SEC14L1: variants seen among roughly 807,000 people sequenced by gnomAD.
SEC14L1 encodes the protein SEC14 like lipid binding 1.
Under a neutral mutation model 85.3 loss-of-function variants are expected in SEC14L1, and 48 were observed. The observed-to-expected ratio is 0.56, with a 90% CI of 0.45 to 0.72. The LOEUF (loss-of-function observed/expected upper bound fraction) is 0.72. SEC14L1 is among the 30% of genes least tolerant of loss of function. SEC14L1 has a pLI of 0.00. For missense variants in SEC14L1, 682 were observed against 921.4 expected, an observed-to-expected ratio of 0.74 and a Z score of 3.36; for synonymous variants, 391 against 355.5, an observed-to-expected ratio of 1.10 and a Z score of -1.12.
chr17:77,213,290 C>G lies in SEC14L1; in HGVS notation c.1864-24C>G. The stretch of plus-strand genomic sequence containing the variant: ...GGGGTCGGAAGCGAGTCGCCCTCAG[C>G]TGCCACTGCCCTACTTGTTCTAGGG... On this transcript the variant is annotated intron_variant, in intron 15 of 16. Transcript: ENST00000436233. This position sits in a 1 kb window ranked among gnomAD's most constrained non-coding sequence, Gnocchi z 7.1. 6.3e-7 allele frequency: 1 copy of G among 1,580,972 alleles called. No individual in the cohort carries two copies. The highest frequency in any genetic ancestry group is 8.6e-7 in the Non-Finnish European group (1 of 1,162,966).
chr17:77,192,199 GTGTT>G (rs1341324881), intron 5 of SEC14L1, among the ~76,000 whole-genome samples: 3 of 152,194 alleles, frequency 2.0e-5, no homozygotes, highest in African/African-American at 7.2e-5. Flanking sequence ...AGTGCCGAGA[GTGTT>G]TGTCTGTCTC....
intron 3 of SEC14L1, among the ~76,000 whole-genome samples, chr17:77,122,630 G>A (rs919619485): frequency 6.6e-6 from 1 of 152,168 alleles, no homozygotes; most frequent in Non-Finnish European, 1.5e-5. Context: ...TGGCATTTCT[G>A]CATTAGACAT....
chr17:77,162,092 C>T (rs1430321655), intron 3 of SEC14L1, among the ~76,000 whole-genome samples: 2 of 152,136 alleles, frequency 1.3e-5, no homozygotes, highest in Non-Finnish European at 2.9e-5. Flanking sequence ...GGTGGCCCAA[C>T]GGGCAAGGGG....
intron 3 of SEC14L1, among the ~76,000 whole-genome samples, chr17:77,156,313 A>C (rs1018929489): frequency 2.0e-5 from 3 of 152,124 alleles, no homozygotes; most frequent in Non-Finnish European, 4.4e-5. Context: ...GGTGGCTCAC[A>C]CTTGTAATCC....
intron 8 of SEC14L1, among the ~76,000 whole-genome samples, chr17:77,200,199 T>A (rs1463654924): frequency 2.0e-5 from 3 of 152,060 alleles, no homozygotes; most frequent in African/African-American, 7.2e-5. Context: ...AGGGTCTTAT[T>A]CCCTTAGCAA....
chr17:77,199,804 T>C (rs535171064), intron 8 of SEC14L1, among the ~76,000 whole-genome samples: 1 of 152,114 alleles, frequency 6.6e-6, no homozygotes, highest in East Asian at 1.9e-4. Flanking sequence ...TTCTCTAGAG[T>C]AGTAAGGGAG....
chr17:77,149,008 T>C (rs2143555541), intron 3 of SEC14L1, among the ~76,000 whole-genome samples: 1 of 152,340 alleles, frequency 6.6e-6, no homozygotes, highest in South Asian at 2.1e-4. Flanking sequence ...CCCTCTTTTC[T>C]TTTTTCTTTT....
At chr17:77,120,610 G>T (rs1363316546) in intron 3 of SEC14L1, among the ~76,000 whole-genome samples, 2 of 152,152 alleles carry the variant, frequency 1.3e-5, no homozygotes, top group Non-Finnish European at 1.5e-5. Context: ...CCAAGTAGCT[G>T]GGATTACAGG....
At chr17:77,164,541 A>G (rs1459238820) in intron 3 of SEC14L1, among the ~76,000 whole-genome samples, 1 of 152,034 alleles carries the variant, frequency 6.6e-6, no homozygotes, top group South Asian at 2.1e-4. Context: ...CTTTGCTTCC[A>G]GGTTGTCCAG....
intron 3 of SEC14L1, among the ~76,000 whole-genome samples, chr17:77,158,529 T>A (rs1293783286): frequency 6.6e-6 from 1 of 152,220 alleles, no homozygotes; most frequent in Non-Finnish European, 1.5e-5. Context: ...TGGGTAGTAC[T>A]TGACCTTTTG....
chr17:77,143,325 C>G (rs1973141555), intron 2 of SEC14L1, among the ~76,000 whole-genome samples: 1 of 152,160 alleles, frequency 6.6e-6, no homozygotes, highest in African/African-American at 2.4e-5. Context: ...GGATTGGACC[C>G]CTCTCACACC....
chr17:77,189,975 C>T (rs1478781805), intron 3 of SEC14L1, among the ~76,000 whole-genome samples: 1 of 152,148 alleles, frequency 6.6e-6, no homozygotes, highest in African/African-American at 2.4e-5. Context: ...TGAGGAAGTT[C>T]ATTTTATATA....
intron 3 of SEC14L1, among the ~76,000 whole-genome samples, chr17:77,120,896 C>T (rs759236034): frequency 6.6e-6 from 1 of 152,210 alleles, no homozygotes; most frequent in Admixed American, 6.6e-5. Flanking sequence ...GAGACTTGGA[C>T]TCGGAACTCA....
chr17:77,163,405 G>A (rs1343582035), intron 3 of SEC14L1, among the ~76,000 whole-genome samples: 1 of 5,926 alleles, frequency 1.7e-4, no homozygotes, highest in Non-Finnish European at 5.1e-4. Context: ...GTCAGAGCTT[G>A]CCAGCTCCCA....
chr17:77,123,982 G>A (rs2143413485), intron 3 of SEC14L1, among the ~76,000 whole-genome samples: 2 of 152,318 alleles, frequency 1.3e-5, no homozygotes, highest in Middle Eastern at 6.8e-3. Context: ...AAGCCCTGTT[G>A]AGGACTTTGG....
At chr17:77,193,346 G>T in intron 5 of SEC14L1, 75 bp from the exon 6 acceptor site, 4 of 1,427,006 alleles carry the variant, frequency 2.8e-6, no homozygotes, top group Admixed American at 4.3e-5. Flanking sequence ...TCTGGTTACT[G>T]GTTAAACTGA....
intron 3 of SEC14L1, among the ~76,000 whole-genome samples, chr17:77,120,146 C>G (rs551016282): frequency 6.6e-6 from 1 of 152,194 alleles, no homozygotes; most frequent in African/African-American, 2.4e-5. Context: ...CTGAGGTGAG[C>G]AGATCCCTTG....
At chr17:77,147,153 T>A (rs1288945571) in intron 3 of SEC14L1, among the ~76,000 whole-genome samples, 2 of 152,216 alleles carry the variant, frequency 1.3e-5, no homozygotes. Flanking sequence ...CTGGTTTATG[T>A]GAGTCCTGTG....
intron 1 of SEC14L1, chr17:77,141,670 G>T (rs1216453690): frequency 6.6e-6 from 1 of 152,228 alleles, no homozygotes; most frequent in Non-Finnish European, 1.5e-5. Flanking sequence ...CAGAGCATCG[G>T]CAGCTGAGAC....
Sources: allele counts gnomAD v4.1 joint callset (sites outside exome capture counted in the v4.1 genomes callset), GRCh38; gene constraint gnomAD v4.1.1; non-coding constraint Gnocchi (gnomAD v3.1); transcripts MANE v1.5; gene names NCBI Gene and HGNC (gene_info 2026-07-23, HGNC 2026-07-21).